DLG1: variants seen among roughly 807,000 people sequenced by gnomAD.
DLG1 encodes the protein discs large MAGUK scaffold protein 1.
Under a neutral mutation model 123.4 loss-of-function variants are expected in DLG1, and 42 were observed. The ratio of observed to expected loss-of-function variants is 0.34; its 90% CI spans 0.27 to 0.44. The LOEUF is 0.44. Among genes scored for constraint, DLG1 ranks in the 20% least tolerant of loss-of-function variants. The pLI is 1.00. For synonymous variants in DLG1, 317 were observed against 356.2 expected (o/e 0.89, Z 1.24); for missense variants, 942 against 1,082.6 (o/e 0.87, Z 1.82).
In DLG1 at chr3:197,065,365, T is replaced by C. The variant is rs1462741886; in HGVS notation, c.2284A>G (p.Ile762Val). 1.9e-6 allele frequency: 3 copies of C among 1,613,350 alleles called. No individual in the cohort carries two copies. Residue 762 changes from isoleucine to valine, a missense_variant, in exon 22 of 25, where the codon ATC (isoleucine) becomes GTC (valine). Ile to Val is a conservative substitution (Grantham distance 29). Coordinates refer to ENST00000667157, the MANE Select transcript of DLG1 (RefSeq NM_001366207.1). ...VTSREQMEKD[I>V]QEHKFIEAGQ... is the part of the protein sequence containing the mutation. ...GCTTCAATGAATTTATGTTCCTGGA[T>C]ATCTTTTTCCATCTGCTCTCTTGAA...
At position 197,297,084 on chromosome 3, in the gene DLG1, G is replaced by A; in HGVS notation, c.19+102C>T. ...TAAGCAATAAAGCTAGGACCGTGCT[G>A]TCTCATCAAAGTTACACAAACGATT... On this transcript the variant is annotated intron_variant, in intron 2 of 24. Coordinates refer to ENST00000667157, the MANE Select transcript of DLG1 (RefSeq NM_001366207.1). The A allele has an allele frequency of 3.9e-6, 5 of 1,268,218 alleles. No individual in the cohort carries two copies. In the South Asian group the frequency reaches 6.0e-5, roughly 15 times the overall value. The allele number at this position is 1,268,218 out of a possible 1,614,324, so 78.6% of individuals were successfully genotyped here. A position where few individuals can be genotyped will look rare whatever the true frequency, so the allele number is the denominator to read the frequency against.
intron 16 of DLG1, among the ~76,000 whole-genome samples, chr3:197,084,912 G>A (rs1013505109): frequency 3.3e-5 from 5 of 151,386 alleles, no homozygotes; most frequent in Non-Finnish European, 7.4e-5. Context: ...TAAGCCTCCC[G>A]AGCAGCTGGG....
chr3:197,194,539 T>A lies in DLG1; in HGVS notation c.369A>T (p.Pro123=). The A allele has an allele frequency of 6.2e-7, 1 of 1,606,758 alleles. No individual in the cohort carries two copies. Among genetic ancestry groups the A allele is most frequent in the Non-Finnish European group, 8.5e-7 (1 of 1,177,136 alleles). ...EDTPPQEHIS[P]QITNEVIGPE... ...GACCTATCACTTCATTTGTGATTTG[T>A]GGGGAAATATGCTCTTGAGGAGGTG... The change falls in exon 5 of 25, where the codon CCA becomes CCT. Residue 123 remains proline, a synonymous_variant. Coordinates refer to ENST00000667157, the MANE Select transcript of DLG1 (RefSeq NM_001366207.1).
At chr3:197,057,800 C>T (rs1187732534) in intron 23 of DLG1, among the ~76,000 whole-genome samples, 3 of 152,014 alleles carry the variant, frequency 2.0e-5, no homozygotes, top group Non-Finnish European at 2.9e-5. Context: ...CTTTGTCTTG[C>T]CTGATATTCA....
intron 4 of DLG1, among the ~76,000 whole-genome samples, chr3:197,264,857 T>G (rs1007352198): frequency 6.6e-6 from 1 of 152,200 alleles, no homozygotes; most frequent in African/African-American, 2.4e-5. Context: ...AACACTCAAC[T>G]TGTAGTGCTC....
intron 24 of DLG1, among the ~76,000 whole-genome samples, chr3:197,045,221 T>C (rs566658244): frequency 6.8e-6 from 1 of 147,470 alleles, no homozygotes; most frequent in East Asian, 2.0e-4. Context: ...AATTGAGAGA[T>C]ACCTAAGCTA....
At chr3:197,269,708 C>A (rs1440077191) in intron 4 of DLG1, among the ~76,000 whole-genome samples, 1 of 152,202 alleles carries the variant, frequency 6.6e-6, no homozygotes, top group South Asian at 2.1e-4. Flanking sequence ...GAACCAAAAT[C>A]TGGCTCACCT....
At chr3:197,200,476 T>C (rs192786221) in intron 4 of DLG1, among the ~76,000 whole-genome samples, 82 of 152,244 alleles carry the variant, frequency 5.4e-4, no homozygotes, top group Non-Finnish European at 8.1e-4. Flanking sequence ...TGTTGAGGAA[T>C]GGAGGCCAGT....
At chr3:197,149,825 C>G in intron 5 of DLG1, 29 bp from the exon 6 acceptor site, 5 of 1,359,206 alleles carry the variant, frequency 3.7e-6, no homozygotes, top group Non-Finnish European at 5.2e-6. Context: ...AATGTGTTAA[C>G]AAGAAAATAA....
At chr3:197,076,001 A>G in intron 18 of DLG1, 3 of 571,196 alleles carry the variant, frequency 5.3e-6, no homozygotes. Context: ...TATCTTACAG[A>G]GCATTTTTAC....
chr3:197,149,812 G>A lies in DLG1; in HGVS notation c.484-16C>T. 1 of 1,514,056 alleles carries A rather than the reference G, an allele frequency of 6.6e-7. No individual in the cohort carries two copies. Among genetic ancestry groups the A allele is most frequent in the Non-Finnish European group, 9.1e-7 (1 of 1,093,788 alleles). 93.8% of individuals were successfully genotyped at this position (1,514,056 alleles called of 1,614,324 possible). ...GAGGATTTGCCTTTAAGAAGAAATTGTAAATGTGTTAACAAGAAAATAAAA... is the reference window on the plus strand; with the variant it reads ...GAGGATTTGCCTTTAAGAAGAAATTATAAATGTGTTAACAAGAAAATAAAA... On this transcript the variant is annotated splice_polypyrimidine_tract_variant and intron_variant, in intron 5 of 24. Transcript: ENST00000667157.
chr3:197,265,170 T>C (rs561945146), intron 4 of DLG1, among the ~76,000 whole-genome samples: 8 of 152,352 alleles, frequency 5.3e-5, no homozygotes, highest in African/African-American at 1.2e-4. Flanking sequence ...AAAAGTAATT[T>C]AGAAATCACC....
At chr3:197,184,202 T>G in intron 5 of DLG1, 1 of 779,762 alleles carries the variant, frequency 1.3e-6, no homozygotes, top group Non-Finnish European at 1.6e-6. Flanking sequence ...AACACTGGAC[T>G]ACCAAGACCC....
At chr3:197,050,050 C>T (rs1263240665) in intron 24 of DLG1, among the ~76,000 whole-genome samples, 1 of 150,530 alleles carries the variant, frequency 6.6e-6, no homozygotes, top group African/African-American at 2.4e-5. Context: ...AAGAACAAAA[C>T]CCTGCCTCAA....
At chr3:197,092,184 A>G (rs1438118349) in intron 14 of DLG1, among the ~76,000 whole-genome samples, 1 of 152,250 alleles carries the variant, frequency 6.6e-6, no homozygotes, top group African/African-American at 2.4e-5. Context: ...TAGACTGATG[A>G]ATGGAGATCA....
intron 5 of DLG1, among the ~76,000 whole-genome samples, chr3:197,192,514 G>GT: frequency 6.6e-6 from 1 of 151,922 alleles, no homozygotes; most frequent in South Asian, 2.1e-4. Flanking sequence ...AAAGATAGAA[G>GT]AACTGTTTCT....
At chr3:197,239,176 AAC>A (rs1403353302) in intron 4 of DLG1, among the ~76,000 whole-genome samples, 2 of 152,174 alleles carry the variant, frequency 1.3e-5, no homozygotes, top group Non-Finnish European at 2.9e-5. Context: ...TAAATAGGAT[AAC>A]AGAGTCCTAT....
intron 18 of DLG1, chr3:197,070,565 A>ATTTTTTTTGTTTTTTTTTTTTTTTTTTTT (rs1743061920): frequency 1.3e-5 from 1 of 76,190 alleles, no homozygotes. Flanking sequence ...TGGAAATTTC[A>ATTTTTTTTGTTTTTTTTTTTTTTTTTTTT]TTTTTTTTTT....
chr3:197,272,050 A>G (rs1579109400), intron 4 of DLG1, among the ~76,000 whole-genome samples: 1 of 152,298 alleles, frequency 6.6e-6, no homozygotes, highest in Non-Finnish European at 1.5e-5. Context: ...GTTCTCATCC[A>G]ATTTCAGATA....
Sources: allele counts gnomAD v4.1 joint callset (sites outside exome capture counted in the v4.1 genomes callset), GRCh38; gene constraint gnomAD v4.1.1; transcripts MANE v1.5; gene names NCBI Gene and HGNC (gene_info 2026-07-23, HGNC 2026-07-21).